NIN: variants seen among roughly 807,000 people sequenced by gnomAD.
NIN encodes the protein ninein, also known as glycogen synthase kinase 3 beta-interacting protein.
In NIN, 137 loss-of-function variants were observed where a neutral mutation model predicts 257.6. That is an observed-to-expected ratio of 0.53 (90% confidence interval 0.46 to 0.61). The LOEUF (loss-of-function observed/expected upper bound fraction) is 0.61. Among genes scored for constraint, NIN ranks in the 20% least tolerant of loss-of-function variants. The pLI is 0.00. For synonymous variants in NIN, 918 were observed against 919.8 expected (o/e 1.00, Z 0.04); for missense variants, 2,439 against 2,501.2 (o/e 0.98, Z 0.53).
At chr14:50,783,251 T>C (rs1332198278) in intron 5 of NIN, among the ~76,000 whole-genome samples, 1 of 151,904 alleles carries the variant, frequency 6.6e-6, no homozygotes, top group African/African-American at 2.4e-5. Flanking sequence ...AGATGGGGTT[T>C]TGCCATGTTG....
At position 50,821,190 on chromosome 14, in the gene NIN, T is replaced by C. The variant is rs111700634; in HGVS notation, c.183+684A>G. ...AAGCTATTAATTATAATGAGGAGAATTGAAGGCAATCTCAGGTCATGGCAG... is the reference window on the plus strand; with the variant it reads ...AAGCTATTAATTATAATGAGGAGAACTGAAGGCAATCTCAGGTCATGGCAG... On this transcript the variant is annotated intron_variant, in intron 3 of 30. Transcript: ENST00000530997. 8.0e-4 allele frequency among the ~76,000 whole-genome samples: 122 copies of C among 152,350 alleles called. 3 individuals are homozygous for C. The South Asian group carries it at 0.024, about 30-fold the overall frequency.
intron 29 of NIN, chr14:50,727,589 A>G: frequency 7.2e-7 from 1 of 1,382,884 alleles, no homozygotes; most frequent in African/African-American, 1.4e-5. Flanking sequence ...CTTAATTCCA[A>G]CATATCTTAG....
Position 50,758,433 on chromosome 14 carries a change from G to A in NIN, c.2597C>T (p.Thr866Ile). Residue 866 changes from threonine to isoleucine, a missense_variant, in exon 18 of 31, where the codon ACC becomes ATC. This residue lies in a region of NIN where 2,043 missense variants were observed against 2,050.2 expected (regional missense o/e 1.00). Transcript: ENST00000530997. ...SQWEFEKDEL[T>I]QECAEAQELL... ...CTCCTGGGCTTCCGCACACTCCTGG[G>A]TGAGCTCGTCCTTCTCAAATTCCCA... The A allele has an allele frequency of 1.2e-6, 2 of 1,614,194 alleles. No individual in the cohort carries two copies. Among genetic ancestry groups the A allele is most frequent in the Non-Finnish European group, 1.7e-6 (2 of 1,180,030 alleles).
At chr14:50,803,145 A>T (rs2044170118) in intron 4 of NIN, among the ~76,000 whole-genome samples, 1 of 152,186 alleles carries the variant, frequency 6.6e-6, no homozygotes, top group African/African-American at 2.4e-5. Context: ...CAAGGTCAGG[A>T]GTTCAAGACC....
chr14:50,741,529 T>G, intron 25 of NIN, 53 bp downstream of exon 25: 1 of 1,531,486 alleles, frequency 6.5e-7, no homozygotes, highest in Non-Finnish European at 8.9e-7. Flanking sequence ...GTCCTAAGAT[T>G]TGTATACTTT....
In NIN at chr14:50,760,056, C is replaced by A; in HGVS notation, c.2200G>T (p.Ala734Ser). ...EMELKARLTQAQASFEREREG... is the reference protein window; with the variant it reads ...EMELKARLTQSQASFEREREG... ...CTCTCCCGCTCAAAGCTTGCTTGAG[C>A]CTGTGTCAGTCTAGCCTTGAGCTCC... Residue 734 changes from alanine (A) to serine (S), a missense_variant, in exon 17 of 31, where the codon GCT becomes TCT. Coordinates refer to ENST00000530997, the MANE Select transcript of NIN (RefSeq NM_020921.4). The A allele has an allele frequency of 1.2e-6, 2 of 1,614,168 alleles. No homozygotes were observed. The highest frequency in any genetic ancestry group is 1.7e-6 in the Non-Finnish European group (2 of 1,180,026).
Position 50,757,200 on chromosome 14 carries a change from A to G in NIN, c.3830T>C (p.Leu1277Pro), listed in dbSNP as rs369432675. The G allele has an allele frequency of 1.2e-6, 2 of 1,613,576 alleles. No individual in the cohort carries two copies. Among genetic ancestry groups the G allele is most frequent in the African/African-American group, 2.7e-5 (2 of 74,834 alleles). ...TGCAGTGAGTTCTTTGTTATTTTCTAGTGCCTCATCGTAGCGTGTCTCCAT... is the reference window on the plus strand; with the variant it reads ...TGCAGTGAGTTCTTTGTTATTTTCTGGTGCCTCATCGTAGCGTGTCTCCAT... The part of the protein sequence containing the change: ...RMMETRYDEA[L>P]ENNKELTAEV... Residue 1277 changes from leucine to proline, a missense_variant, in exon 18 of 31, where the codon CTA becomes CCA. By Grantham distance (98) the Leu-to-Pro change is moderately conservative. Transcript: ENST00000530997.
chr14:50,758,223 TG>T lies in NIN; in HGVS notation c.2806del (p.Gln936ArgfsTer5). ...SETQQSLLSDQILELKSSHKR... is the reference protein window; with the variant it reads ...SETQQSLLSDXILELKSSHKR... ...GTGACTGCTCTTCAGCTCAAGTATCTGGTCAGACAGCAGGCTTTGCTGGGTT... is the reference window on the plus strand; with the variant it reads ...GTGACTGCTCTTCAGCTCAAGTATCTGTCAGACAGCAGGCTTTGCTGGGTT... On this transcript the variant is annotated frameshift_variant, in exon 18 of 31. Coordinates refer to ENST00000530997, the MANE Select transcript of NIN (RefSeq NM_020921.4). LOFTEE classifies it high-confidence loss of function. 1 of 1,614,218 alleles carries T rather than the reference TG, an allele frequency of 6.2e-7. No homozygotes were observed. The highest frequency in any genetic ancestry group is 8.5e-7 in the Non-Finnish European group (1 of 1,180,036).
intron 7 of NIN, among the ~76,000 whole-genome samples, chr14:50,773,839 C>G (rs1200407628): frequency 1.3e-5 from 2 of 152,154 alleles, no homozygotes; most frequent in African/African-American, 4.8e-5. Context: ...GGGCTACAGC[C>G]CCATCTAGAG....
intron 5 of NIN, among the ~76,000 whole-genome samples, chr14:50,785,709 C>T (rs569659887): frequency 6.6e-5 from 10 of 152,308 alleles, no homozygotes; most frequent in Non-Finnish European, 8.8e-5. Flanking sequence ...GCATCTATGG[C>T]GTATTTCACT....
chr14:50,814,402 A>G (rs1021376134), intron 3 of NIN, among the ~76,000 whole-genome samples: 1 of 152,226 alleles, frequency 6.6e-6, no homozygotes, highest in Non-Finnish European at 1.5e-5. Context: ...AGCCAAATAC[A>G]GCAAGTTAAC....
intron 2 of NIN, among the ~76,000 whole-genome samples, chr14:50,824,974 C>T (rs775105057): frequency 3.3e-5 from 5 of 152,202 alleles, no homozygotes; most frequent in African/African-American, 9.7e-5. Flanking sequence ...TCACAAACTT[C>T]GACTGCATTG....
chr14:50,786,338 C>A (rs1427207702), intron 5 of NIN, among the ~76,000 whole-genome samples: 1 of 124,448 alleles, frequency 8.0e-6, no homozygotes, highest in Non-Finnish European at 1.6e-5. Context: ...GACTTCTTGT[C>A]TGTTTTAGTT....
chr14:50,828,798 T>C (rs916933320), intron 2 of NIN, among the ~76,000 whole-genome samples: 8 of 152,236 alleles, frequency 5.3e-5, no homozygotes, highest in Admixed American at 6.5e-5. Flanking sequence ...TACATTAAGA[T>C]TGGCTGTTCA....
rs562481751 is a variant in NIN, at chr14:50,749,868, T to A, written c.4951-1763A>T. ...CCATGCCCTACTAATTTTTTTTGTATTTTTTGTAGAGATGGGGTTTCACCA... is the reference window on the plus strand; with the variant it reads ...CCATGCCCTACTAATTTTTTTTGTAATTTTTGTAGAGATGGGGTTTCACCA... On this transcript the variant is annotated intron_variant, in intron 21 of 30. Coordinates refer to ENST00000530997, the MANE Select transcript of NIN (RefSeq NM_020921.4). 2.0e-4 allele frequency among the ~76,000 whole-genome samples: 30 copies of A among 152,196 alleles called. 1 individual carries two copies. In the South Asian group the frequency reaches 5.4e-3, roughly 27 times the overall value.
At chr14:50,826,736 G>T (rs1000315615) in intron 2 of NIN, among the ~76,000 whole-genome samples, 5 of 152,214 alleles carry the variant, frequency 3.3e-5, no homozygotes, top group Admixed American at 2.6e-4. Context: ...AGGGGACAAA[G>T]TCTGGCAAGT....
intron 21 of NIN, 109 bp from the exon 22 acceptor site, chr14:50,748,214 A>T (rs1314797673): frequency 2.4e-5 from 15 of 637,982 alleles, no homozygotes; most frequent in Middle Eastern, 6.2e-4. Flanking sequence ...GAACTCAATG[A>T]CACTGTTTTA....
chr14:50,738,302 G>T lies in NIN; in HGVS notation c.5629-16C>A. The T allele has an allele frequency of 3.7e-6, 6 of 1,605,576 alleles. No homozygotes were observed. In the South Asian group the frequency reaches 6.7e-5, roughly 18 times the overall value. ...ACTGACGGACCTAACAGGAACAAAT[G>T]TAAGAGGAAAAAATGCTAATACAAT... On this transcript the variant is annotated splice_polypyrimidine_tract_variant and intron_variant, in intron 26 of 30. Coordinates refer to ENST00000530997, the MANE Select transcript of NIN (RefSeq NM_020921.4).
rs1274689568 is a variant in NIN at position 50,757,880 on chromosome 14, C to G, written c.3150G>C (p.Leu1050=). The G allele has an allele frequency of 6.2e-7, 1 of 1,614,172 alleles. No individual in the cohort carries two copies. The highest frequency in any genetic ancestry group is 8.5e-7 in the Non-Finnish European group (1 of 1,180,044). Residue 1050 remains leucine (L), a synonymous_variant, in exon 18 of 31, where the codon CTG becomes CTC. Coordinates refer to ENST00000530997, the MANE Select transcript of NIN (RefSeq NM_020921.4). ...GEEEVEGDGA[L]SLLQQGEQLL... ...GCTGCTCCCCTTGCTGAAGCAGGGA[C>G]AGGGCTCCATCTCCTTCCACCTCCT...
Sources: gnomAD v4.1 joint callset for allele counts (sites outside exome capture counted in the v4.1 genomes callset) on GRCh38, gnomAD v4.1.1 for gene constraint, gnomAD v4.1.1 regional missense constraint, MANE v1.5 for transcripts, NCBI Gene and HGNC (gene_info 2026-07-23, HGNC 2026-07-21) for gene names.